Variants in FBXL7 observed in about 807,000 individuals in gnomAD.
FBXL7 encodes F-box and leucine rich repeat protein 7.
A neutral mutation model predicts 38.3 loss-of-function variants in FBXL7; 12 were observed. That is an observed-to-expected ratio of 0.31 (90% CI 0.20 to 0.51). The LOEUF (loss-of-function observed/expected upper bound fraction) is 0.51. FBXL7 is among the 20% of genes least tolerant of loss of function. The pLI, the probability that FBXL7 is intolerant of heterozygous loss-of-function variation, is 0.98. For synonymous variants in FBXL7, 297 were observed against 300.9 expected, an observed-to-expected ratio of 0.99 and a Z score of 0.13; for missense variants, 567 against 676.4, an observed-to-expected ratio of 0.84 and a Z score of 1.79.
intron 2 of FBXL7, among the ~76,000 whole-genome samples, chr5:15,731,544 A>G (rs1354833676): frequency 6.6e-6 from 1 of 152,116 alleles, no homozygotes; most frequent in African/African-American, 2.4e-5. Context: ...ACAGAGCCAA[A>G]CCATATCAAG....
At chr5:15,692,484 G>A (rs1223081335) in intron 2 of FBXL7, among the ~76,000 whole-genome samples, 1 of 152,006 alleles carries the variant, frequency 6.6e-6, no homozygotes, top group African/African-American at 2.4e-5. Flanking sequence ...ATCTTTGCTT[G>A]CCTCTCAGTT....
chr5:15,794,171 C>T (rs547255583), intron 2 of FBXL7, among the ~76,000 whole-genome samples: 21 of 152,312 alleles, frequency 1.4e-4, no homozygotes, highest in Non-Finnish European at 2.5e-4. Context: ...AATGTTATCT[C>T]TGTTGGCTAA....
intron 2 of FBXL7, among the ~76,000 whole-genome samples, chr5:15,636,684 T>A (rs1741197644): frequency 6.6e-6 from 1 of 151,618 alleles, no homozygotes; most frequent in Non-Finnish European, 1.5e-5. Flanking sequence ...TAAAACCTTT[T>A]TTTTTTTTTT....
At chr5:15,501,812 T>C in intron 1 of FBXL7, 4 of 912,766 alleles carry the variant, frequency 4.4e-6, no homozygotes, top group Non-Finnish European at 5.2e-6. Flanking sequence ...AACCTTTTCT[T>C]TAAGTCATTC....
rs577654997 is a variant in FBXL7 at position 15,548,561 on chromosome 5, T to C, written c.37+47848T>C. On this transcript the variant is annotated intron_variant, in intron 1 of 3. Coordinates refer to ENST00000504595, the MANE Select transcript of FBXL7 (RefSeq NM_012304.5). ...ATCTATAAAATGGGGACAAAAATGG[T>C]ACCTTGTTTGTAGAAATGTATTGGC... Among the ~76,000 whole-genome samples, 15 of 152,300 alleles carry C rather than the reference T, an allele frequency of 9.8e-5. No individual in the cohort carries two copies. In the South Asian group the frequency reaches 2.7e-3, roughly 27 times the overall value.
chr5:15,860,574 C>T (rs1379613908), intron 2 of FBXL7, among the ~76,000 whole-genome samples: 2 of 152,164 alleles, frequency 1.3e-5, no homozygotes, highest in Non-Finnish European at 2.9e-5. Context: ...ATTCAGGTCC[C>T]TTGGAGCCAG....
At chr5:15,807,934 A>T (rs1461069885) in intron 2 of FBXL7, among the ~76,000 whole-genome samples, 1 of 152,160 alleles carries the variant, frequency 6.6e-6, no homozygotes, top group Non-Finnish European at 1.5e-5. Flanking sequence ...CTGAGCTGAA[A>T]ATCATGCGGC....
chr5:15,803,089 T>C (rs1239305957), intron 2 of FBXL7, among the ~76,000 whole-genome samples: 2 of 152,222 alleles, frequency 1.3e-5, no homozygotes. Context: ...ATACCTTCAA[T>C]GCTTTGATCT....
chr5:15,766,210 T>C (rs2938831), intron 2 of FBXL7, among the ~76,000 whole-genome samples: 111,418 of 152,070 alleles, frequency 0.73, 41,185 homozygotes, highest in South Asian at 0.85. Context: ...ATCGGCCTCC[T>C]AGCCTTCCAT....
intron 2 of FBXL7, among the ~76,000 whole-genome samples, chr5:15,633,782 A>T (rs1003492923): frequency 2.8e-5 from 4 of 143,716 alleles, no homozygotes; most frequent in South Asian, 2.2e-4. Flanking sequence ...TTATTATTTT[A>T]TTATTTTATT....
At chr5:15,712,149 A>G (rs577585573) in intron 2 of FBXL7, among the ~76,000 whole-genome samples, 17 of 152,290 alleles carry the variant, frequency 1.1e-4, no homozygotes, top group East Asian at 5.8e-4. Flanking sequence ...AAAAGTTTCA[A>G]TGTTTTTATG....
At chr5:15,846,821 A>C (rs1226913449) in intron 2 of FBXL7, among the ~76,000 whole-genome samples, 1 of 152,240 alleles carries the variant, frequency 6.6e-6, no homozygotes, top group Non-Finnish European at 1.5e-5. Context: ...AAAACAAAAT[A>C]AATGACCATT....
intron 2 of FBXL7, among the ~76,000 whole-genome samples, chr5:15,869,410 G>A (rs765900990): frequency 1.1e-4 from 17 of 152,214 alleles, no homozygotes; most frequent in East Asian, 5.8e-4. Flanking sequence ...GTTATCAGCC[G>A]TACTTCCGGC....
chr5:15,559,134 C>T (rs1315054093), intron 1 of FBXL7, among the ~76,000 whole-genome samples: 2 of 152,104 alleles, frequency 1.3e-5, no homozygotes, highest in African/African-American at 4.8e-5. Flanking sequence ...GAAGAATGCA[C>T]AGGAACATAA....
chr5:15,764,797 A>G (rs1232013532), intron 2 of FBXL7, among the ~76,000 whole-genome samples: 1 of 152,246 alleles, frequency 6.6e-6, no homozygotes, highest in Non-Finnish European at 1.5e-5. Context: ...AATGCTGGGC[A>G]TATTGTAAAT....
At chr5:15,842,520 T>G (rs997760949) in intron 2 of FBXL7, among the ~76,000 whole-genome samples, 8 of 152,120 alleles carry the variant, frequency 5.3e-5, no homozygotes, top group Non-Finnish European at 1.0e-4. Flanking sequence ...TGGGAAGGCA[T>G]GATTGGTTTT....
At chr5:15,821,572 T>C (rs1738170180) in intron 2 of FBXL7, among the ~76,000 whole-genome samples, 1 of 145,230 alleles carries the variant, frequency 6.9e-6, no homozygotes, top group African/African-American at 2.5e-5. Context: ...TCAGCAACAG[T>C]GAGTGCCTAT....
At chr5:15,886,367 G>A (rs1031109031) in intron 2 of FBXL7, among the ~76,000 whole-genome samples, 2 of 152,044 alleles carry the variant, frequency 1.3e-5, no homozygotes, top group African/African-American at 4.8e-5. Flanking sequence ...TGTCCCTGTG[G>A]GTGGCCTTGT....
In FBXL7 at chr5:15,891,082, A is replaced by T. The variant is rs375644851; in HGVS notation, c.128-36808A>T. On this transcript the variant is annotated intron_variant, in intron 2 of 3. Coordinates refer to ENST00000504595, the MANE Select transcript of FBXL7 (RefSeq NM_012304.5). The stretch of plus-strand genomic sequence containing the variant: ...TGTGGTATTGTTGGTGCCATAACCT[A>T]TTACCATTTAGATACTCAGGGTGAG... 1.4e-4 allele frequency among the ~76,000 whole-genome samples: 21 copies of T among 152,266 alleles called. No homozygotes were observed. The East Asian group carries it at 2.9e-3, about 21-fold the overall frequency.
Sources: gnomAD v4.1 joint callset for allele counts (sites outside exome capture counted in the v4.1 genomes callset) on GRCh38, gnomAD v4.1.1 for gene constraint, MANE v1.5 for transcripts, NCBI Gene and HGNC (gene_info 2026-07-23, HGNC 2026-07-21) for gene names.